RAD51D: variants seen among roughly 807,000 people sequenced by gnomAD.
The protein encoded by RAD51D is DNA repair protein RAD51 homolog 4.
In RAD51D, 38 loss-of-function variants were observed where a neutral mutation model predicts 44.1. That is an observed-to-expected ratio of 0.86 (90% CI 0.67 to 1.13). The LOEUF is 1.13. Ranked by LOEUF, RAD51D falls within the 50% of genes most tolerant of loss-of-function variation. RAD51D has a pLI of 0.00. For missense variants in RAD51D, 390 were observed against 414.0 expected (o/e 0.94, Z 0.50); for synonymous variants, 141 against 166.6 (o/e 0.85, Z 1.18).
At chr17:35,115,702 T>C (rs1308831782) in intron 3 of RAD51D, among the ~76,000 whole-genome samples, 5 of 151,920 alleles carry the variant, frequency 3.3e-5, no homozygotes, top group African/African-American at 9.7e-5. Flanking sequence ...AGTCCATCTC[T>C]ACTAAAAATA....
chr17:35,097,384 C>T lies in RAD51D; in HGVS notation c.*3569G>A, dbSNP rs1000776325. 111 of 152,022 alleles carry T rather than the reference C, an allele frequency of 7.3e-4. No individual in the cohort carries two copies. Among genetic ancestry groups the T allele is most frequent in the African/African-American group, 2.6e-3 (109 of 41,438 alleles). The allele number at this position is 152,022 out of a possible 1,614,324, so 9.4% of individuals were successfully genotyped here. ...CCGCCCACTTTGGCCTCCCAAAGTGCTGGGATTACAGGCGTGAGCCACTGC... is the reference window on the plus strand; with the variant it reads ...CCGCCCACTTTGGCCTCCCAAAGTGTTGGGATTACAGGCGTGAGCCACTGC... On this transcript the variant is annotated 3_prime_UTR_variant, in exon 10 of 10. Transcript: ENST00000345365.
Position 35,103,265 on chromosome 17 carries a change from TGCCAA to T in RAD51D, c.722_726del (p.Leu241HisfsTer84). 6.2e-7 allele frequency: 1 copy of T among 1,610,056 alleles called. No homozygotes were observed. The highest frequency in any genetic ancestry group is 8.5e-7 in the Non-Finnish European group (1 of 1,178,568). On this transcript the variant is annotated frameshift_variant, in exon 8 of 10. Transcript: ENST00000345365. LOFTEE classifies it high-confidence loss of function. This position sits in a 1 kb window ranked among gnomAD's most constrained non-coding sequence, Gnocchi z 4.1. Reference sequence around the variant, plus strand: ...GCCTGCTTCCTCACCACCACTGCCATGCCAAGGTCCCGGGCCAGGGTCTTCAGCTC... The same window carrying T: ...GCCTGCTTCCTCACCACCACTGCCATGGTCCCGGGCCAGGGTCTTCAGCTC...
intron 3 of RAD51D, among the ~76,000 whole-genome samples, chr17:35,112,914 C>T (rs1597869313): frequency 6.6e-6 from 1 of 152,214 alleles, no homozygotes; most frequent in East Asian, 1.9e-4. Context: ...ACACAGGAGG[C>T]ACCCAATAAT....
intron 3 of RAD51D, among the ~76,000 whole-genome samples, chr17:35,109,314 C>A (rs1327127824): frequency 6.6e-6 from 1 of 152,212 alleles, no homozygotes; most frequent in African/African-American, 2.4e-5. Flanking sequence ...CATTGAAGGG[C>A]ATTTGGTTGT....
At chr17:35,109,608 G>A (rs572684231) in intron 3 of RAD51D, among the ~76,000 whole-genome samples, 161 of 151,760 alleles carry the variant, frequency 1.1e-3, no homozygotes, top group African/African-American at 3.8e-3. Flanking sequence ...CTTTCTGATA[G>A]GTATGAAATA....
In RAD51D at chr17:35,100,884, A is replaced by G. The variant is rs1597855204; in HGVS notation, c.*69T>C. 1 of 1,306,496 alleles carries G rather than the reference A, an allele frequency of 7.7e-7. No individual in the cohort carries two copies. Among genetic ancestry groups the G allele is most frequent in the Non-Finnish European group, 1.1e-6 (1 of 900,884 alleles). The allele number at this position is 1,306,496 out of a possible 1,614,324, so 80.9% of individuals were successfully genotyped here. ...CCAGTGCCAGGTGGCAGTAAACAGC[A>G]GGCGTTACTGGGAAGAAAAGTTGGG... On this transcript the variant is annotated 3_prime_UTR_variant, in exon 10 of 10. Coordinates refer to ENST00000345365, the MANE Select transcript of RAD51D (RefSeq NM_002878.4).
intron 3 of RAD51D, among the ~76,000 whole-genome samples, chr17:35,114,581 T>G (rs950528181): frequency 6.6e-6 from 1 of 152,032 alleles, no homozygotes; most frequent in Non-Finnish European, 1.5e-5. Flanking sequence ...TCCCAGCTAC[T>G]TGGGAGGCTG....
rs758865282 is a variant in RAD51D at position 35,103,561 on chromosome 17, G to C, written c.577-17C>G. ...ACCAGTCACCTGAAGGAATGTGGGG[G>C]AAGCACTCATGAACCTGTCAGCCTC... is the stretch of plus-strand genomic sequence containing the variant. On this transcript the variant is annotated splice_polypyrimidine_tract_variant and intron_variant, in intron 6 of 9. Coordinates refer to ENST00000345365, the MANE Select transcript of RAD51D (RefSeq NM_002878.4). The surrounding 1 kb of genome is among the most constrained non-coding windows in gnomAD (Gnocchi z 4.1). 6.2e-7 allele frequency: 1 copy of C among 1,600,272 alleles called. No homozygotes were observed. The highest frequency in any genetic ancestry group is 8.6e-7 in the Non-Finnish European group (1 of 1,167,452).
At chr17:35,117,579 T>C (rs1336496631) in intron 3 of RAD51D, among the ~76,000 whole-genome samples, 1 of 152,084 alleles carries the variant, frequency 6.6e-6, no homozygotes, top group African/African-American at 2.4e-5. Flanking sequence ...AACCTCCACC[T>C]CCCACATTCA....
At chr17:35,104,975 T>C (rs2091582001) in intron 6 of RAD51D, 1 of 152,160 alleles carries the variant, frequency 6.6e-6, no homozygotes, top group Non-Finnish European at 1.5e-5. Context: ...AGTCTCAGAT[T>C]CTTAACCCCT....
chr17:35,101,453 G>A (rs2142413261), intron 8 of RAD51D, 88 bp from the exon 9 acceptor site: 2 of 1,418,818 alleles, frequency 1.4e-6, no homozygotes, highest in African/African-American at 2.8e-5. Flanking sequence ...GGAAAACAGA[G>A]GCCTAGCACA....
In RAD51D at chr17:35,107,056, T is replaced by C. The variant is rs141690729; in HGVS notation, c.412A>G (p.Asn138Asp). The change falls in exon 5 of 10, where the codon AAT becomes GAT. Residue 138 changes from asparagine to aspartate, a missense_variant. Physicochemically the swap from Asn to Asp is conservative, Grantham distance 23 (BLOSUM62 1). Transcript: ENST00000345365. The part of the protein sequence containing the change: ...LQQNVLYVDS[N>D]GGLTASRLLQ... ...AGGCGGGAAGCTGTCAGCCCTCCAT[T>C]GGAATCTACATATAGGACGTTTTGC... 2.2e-5 allele frequency: 35 copies of C among 1,614,086 alleles called. No individual in the cohort carries two copies. Among genetic ancestry groups the C allele is most frequent in the Non-Finnish European group, 2.7e-5 (32 of 1,180,010 alleles).
chr17:35,118,739 A>T (rs1352090579), intron 2 of RAD51D, 120 bp from the exon 3 acceptor site: 2 of 819,528 alleles, frequency 2.4e-6, no homozygotes, highest in South Asian at 2.7e-5. Context: ...CTTGGGATGG[A>T]CTTTTGTTAT....
intron 8 of RAD51D, among the ~76,000 whole-genome samples, chr17:35,101,594 G>C (rs2091539538): frequency 6.6e-6 from 1 of 152,150 alleles, no homozygotes; most frequent in African/African-American, 2.4e-5. Flanking sequence ...AGAAGGCGAT[G>C]GGGCACATGT....
intron 3 of RAD51D, among the ~76,000 whole-genome samples, chr17:35,108,942 T>C (rs1001185834): frequency 2.9e-4 from 44 of 151,272 alleles, no homozygotes; most frequent in Non-Finnish European, 4.4e-5. Context: ...TCTCAGCTCA[T>C]TGCAACCTCC....
chr17:35,101,263 T>C lies in RAD51D; in HGVS notation c.841A>G (p.Ile281Val). 6.2e-7 allele frequency: 1 copy of C among 1,614,142 alleles called. No homozygotes were observed. Among genetic ancestry groups the C allele is most frequent in the Non-Finnish European group, 8.5e-7 (1 of 1,180,012 alleles). ...VPSTRILLDTIEGAGASGGRR... is the reference protein window; with the variant it reads ...VPSTRILLDTVEGAGASGGRR... Reference sequence around the variant, plus strand: ...CCGCCTGATGCTCCTGCTCCCTCGATGGTGTCCAGGAGAATCCGAGTGCTG... The same window carrying C: ...CCGCCTGATGCTCCTGCTCCCTCGACGGTGTCCAGGAGAATCCGAGTGCTG... Residue 281 changes from isoleucine (I) to valine (V), a missense_variant, in exon 9 of 10, where the codon ATC becomes GTC. Ile to Val is a conservative substitution (Grantham distance 29). Transcript: ENST00000345365.
intron 3 of RAD51D, chr17:35,116,901 A>T (rs1376611969): frequency 1.3e-6 from 2 of 1,599,052 alleles, no homozygotes; most frequent in Non-Finnish European, 1.7e-6. Context: ...GAAAGCATTC[A>T]GCGAAAGTCC....
At position 35,093,891 on chromosome 17, in the gene RAD51D, C is replaced by G. The variant is rs2142398461; in HGVS notation, c.*7062G>C. ...CCAAACCCCAGCACACAGAACTAGACAGTTTAAACCTTACCCAGTGCTTGC... is the reference window on the plus strand; with the variant it reads ...CCAAACCCCAGCACACAGAACTAGAGAGTTTAAACCTTACCCAGTGCTTGC... On this transcript the variant is annotated 3_prime_UTR_variant, in exon 10 of 10. Transcript: ENST00000345365. 1 of 152,334 alleles carries G rather than the reference C, an allele frequency of 6.6e-6. No homozygotes were observed. Among genetic ancestry groups the G allele is most frequent in the African/African-American group, 2.4e-5 (1 of 41,566 alleles). The allele number at this position is 152,334 out of a possible 1,614,324, so 9.4% of individuals were successfully genotyped here.
chr17:35,104,262 G>C (rs925194092), intron 6 of RAD51D, among the ~76,000 whole-genome samples: 4 of 151,924 alleles, frequency 2.6e-5, no homozygotes, highest in African/African-American at 9.7e-5. Flanking sequence ...TCTTTCCCTT[G>C]TCCTGCTAAC....
Sources: allele counts gnomAD v4.1 joint callset (sites outside exome capture counted in the v4.1 genomes callset), GRCh38; gene constraint gnomAD v4.1.1; non-coding constraint Gnocchi (gnomAD v3.1); transcripts MANE v1.5; gene names NCBI Gene and HGNC (gene_info 2026-07-23, HGNC 2026-07-21).